MPPED2: variants seen among roughly 807,000 people sequenced by gnomAD.
MPPED2 encodes the protein metallophosphoesterase domain containing 2.
MPPED2 carries 5 observed loss-of-function variants against 33.0 expected under a neutral mutation model. The observed-to-expected ratio is 0.15, with a 90% CI of 0.08 to 0.32. MPPED2 has a LOEUF of 0.32. MPPED2 is among the 10% of genes least tolerant of loss of function. The pLI is 1.00. For synonymous variants in MPPED2, 136 were observed against 141.9 expected, an observed-to-expected ratio of 0.96 and a Z score of 0.29; for missense variants, 275 against 372.1, an observed-to-expected ratio of 0.74 and a Z score of 2.15.
At chr11:30,392,039 A>G (rs1204967987) in intron 6 of MPPED2, among the ~76,000 whole-genome samples, 1 of 152,198 alleles carries the variant, frequency 6.6e-6, no homozygotes, top group Non-Finnish European at 1.5e-5. Context: ...AGTAGTTGTG[A>G]GAATTAAGGT....
chr11:30,459,650 T>C (rs1950440120), intron 4 of MPPED2, among the ~76,000 whole-genome samples: 1 of 152,202 alleles, frequency 6.6e-6, no homozygotes, highest in Non-Finnish European at 1.5e-5. Flanking sequence ...GCTCTCTCTC[T>C]CTGGTATCAT....
chr11:30,448,758 T>G (rs1949922475), intron 4 of MPPED2, among the ~76,000 whole-genome samples: 1 of 151,448 alleles, frequency 6.6e-6, no homozygotes, highest in Non-Finnish European at 1.5e-5. Flanking sequence ...CACCGCAACC[T>G]CCGCCTCCCG....
intron 2 of MPPED2, among the ~76,000 whole-genome samples, chr11:30,565,049 G>T (rs952205139): frequency 2.0e-5 from 3 of 152,102 alleles, no homozygotes; most frequent in African/African-American, 7.2e-5. Flanking sequence ...GTAGGACTCA[G>T]CACCAAAAAG....
chr11:30,517,163 C>A (rs1953579174), intron 3 of MPPED2, among the ~76,000 whole-genome samples: 1 of 152,132 alleles, frequency 6.6e-6, no homozygotes, highest in Non-Finnish European at 1.5e-5. Context: ...GCACTTCTCC[C>A]TCCCCATTTC....
rs1036935569 is a variant in MPPED2, at chr11:30,537,049, C to G, written c.129-874G>C. 3.3e-5 allele frequency among the ~76,000 whole-genome samples: 5 copies of G among 152,022 alleles called. No homozygotes were observed. In the East Asian group the frequency reaches 7.7e-4, roughly 23 times the overall value. ...GAATCAAAAGGCAAAATGATCAACC[C>G]AAAGCAAAGAAAATGAAACAGAACA... On this transcript the variant is annotated intron_variant, in intron 2 of 6. Coordinates refer to ENST00000358117, the MANE Select transcript of MPPED2 (RefSeq NM_001584.3).
At chr11:30,585,488 G>A (rs1293101352) in intron 1 of MPPED2, among the ~76,000 whole-genome samples, 4 of 152,072 alleles carry the variant, frequency 2.6e-5, no homozygotes, top group African/African-American at 4.8e-5. Flanking sequence ...GGAGCCCGGG[G>A]ATCGGGCCAA....
rs564107930 is a variant in MPPED2, at chr11:30,493,110, G to GA, written c.536+2185dup. On this transcript the variant is annotated intron_variant, in intron 4 of 6. Transcript: ENST00000358117. ...TTCTGGATACCAACTCGTAAAGCTA[G>GA]AAAAAAAATTATAGAAAATATCTCG... Among the ~76,000 whole-genome samples, 43 of 152,124 alleles carry GA rather than the reference G, an allele frequency of 2.8e-4. No individual in the cohort carries two copies. In the South Asian group the frequency reaches 8.5e-3, roughly 30 times the overall value.
chr11:30,499,593 T>C (rs1459218411), intron 3 of MPPED2, among the ~76,000 whole-genome samples: 3 of 152,158 alleles, frequency 2.0e-5, no homozygotes, highest in Non-Finnish European at 4.4e-5. Flanking sequence ...TCTCTATACA[T>C]TGAATCCTCC....
At chr11:30,467,077 C>T (rs966335838) in intron 4 of MPPED2, among the ~76,000 whole-genome samples, 2 of 152,144 alleles carry the variant, frequency 1.3e-5, no homozygotes, top group Non-Finnish European at 2.9e-5. Context: ...AAGAAGACCT[C>T]GTGCCCCTTT....
chr11:30,582,115 T>C (rs1279087388), intron 1 of MPPED2, among the ~76,000 whole-genome samples: 1 of 152,234 alleles, frequency 6.6e-6, no homozygotes, highest in Non-Finnish European at 1.5e-5. Flanking sequence ...TATATTTTAC[T>C]GTTATTTTGC....
At chr11:30,491,027 C>T (rs1176334296) in intron 4 of MPPED2, among the ~76,000 whole-genome samples, 1 of 152,152 alleles carries the variant, frequency 6.6e-6, no homozygotes, top group East Asian at 1.9e-4. Context: ...AAAAAAGTCA[C>T]TGTGAAAACA....
At chr11:30,578,970 T>C (rs1408157276) in intron 2 of MPPED2, among the ~76,000 whole-genome samples, 1 of 151,308 alleles carries the variant, frequency 6.6e-6, no homozygotes, top group East Asian at 1.9e-4. Context: ...TCAAATAGTT[T>C]AGCAGTAACC....
chr11:30,563,205 C>G (rs1956307052), intron 2 of MPPED2, among the ~76,000 whole-genome samples: 1 of 152,102 alleles, frequency 6.6e-6, no homozygotes, highest in African/African-American at 2.4e-5. Flanking sequence ...TCAGCAGTCC[C>G]CAGCCCTTTT....
intron 4 of MPPED2, among the ~76,000 whole-genome samples, chr11:30,492,917 TAA>T (rs1952048183): frequency 6.6e-6 from 1 of 152,184 alleles, no homozygotes; most frequent in Non-Finnish European, 1.5e-5. Context: ...ATGAGAATCA[TAA>T]TAGTGCCCAT....
At chr11:30,485,447 CAT>C (rs66743169) in intron 4 of MPPED2, among the ~76,000 whole-genome samples, 62 of 76,470 alleles carry the variant, frequency 8.1e-4, no homozygotes, top group Admixed American at 2.3e-3. Flanking sequence ...AACATTTACA[CAT>C]GTTACACATA....
At chr11:30,489,049 C>G (rs1951859210) in intron 4 of MPPED2, among the ~76,000 whole-genome samples, 1 of 82,136 alleles carries the variant, frequency 1.2e-5, no homozygotes, top group Non-Finnish European at 2.3e-5. Flanking sequence ...TCTTCTTCTT[C>G]TCCTTTTTTT....
chr11:30,522,387 T>TACACACACAC (rs60549510), intron 3 of MPPED2, among the ~76,000 whole-genome samples: 1 of 146,282 alleles, frequency 6.8e-6, no homozygotes, highest in Non-Finnish European at 1.5e-5. Flanking sequence ...CAGGAAAACA[T>TACACACACAC]ACACACACAC....
downstream of MPPED2, among the ~76,000 whole-genome samples, chr11:30,409,082 T>C (rs558831090): frequency 2.0e-5 from 3 of 152,314 alleles, no homozygotes; most frequent in African/African-American, 7.2e-5. Context: ...TTTTAGTAAG[T>C]GCTTAGCTCA....
At chr11:30,386,923 C>T (rs1263628884) in exon 7 of MPPED2, 1 of 395,294 alleles carries the variant, frequency 2.5e-6, no homozygotes, top group African/African-American at 2.1e-5. Context: ...TTGCACTTGC[C>T]TCATATATGC....
Sources: gnomAD v4.1 joint callset for allele counts (sites outside exome capture counted in the v4.1 genomes callset) on GRCh38, gnomAD v4.1.1 for gene constraint, MANE v1.5 for transcripts, NCBI Gene and HGNC (gene_info 2026-07-23, HGNC 2026-07-21) for gene names.